The following TMCC1 variants were observed in gnomAD, a reference collection of about 807,000 sequenced individuals.
TMCC1 encodes the protein transmembrane and coiled-coil domains protein 1.
TMCC1 carries 15 observed loss-of-function variants against 52.4 expected under a neutral mutation model. The ratio of observed to expected loss-of-function variants is 0.29; its 90% CI spans 0.19 to 0.44. The LOEUF (loss-of-function observed/expected upper bound fraction) is 0.44, where lower values mean the gene tolerates loss of function less well. Among genes scored for constraint, TMCC1 ranks in the 20% least tolerant of loss-of-function variants. The probability of loss-of-function intolerance (pLI) is 1.00; values close to 1 mark genes in which losing one functional copy is unlikely to be tolerated. For synonymous variants in TMCC1, 279 were observed against 301.9 expected (o/e 0.92, Z 0.79); for missense variants, 503 against 806.0 (o/e 0.62, Z 4.55).
intron 4 of TMCC1, among the ~76,000 whole-genome samples, chr3:129,675,776 G>A (rs1017943086): frequency 4.6e-5 from 7 of 152,088 alleles, no homozygotes; most frequent in African/African-American, 9.7e-5. Context: ...AGTGGCTCAC[G>A]CCTGTAATCT....
At chr3:129,722,483 T>A (rs1025413182) in intron 4 of TMCC1, among the ~76,000 whole-genome samples, 7 of 151,782 alleles carry the variant, frequency 4.6e-5, no homozygotes, top group Admixed American at 1.3e-4. Flanking sequence ...ACTGCTGGTT[T>A]AATCTACACT....
intron 2 of TMCC1, among the ~76,000 whole-genome samples, chr3:129,852,806 T>C (rs1371297096): frequency 1.3e-5 from 2 of 152,186 alleles, no homozygotes; most frequent in Admixed American, 6.5e-5. Context: ...GCCTATTTTG[T>C]TTATAATTTT....
intron 4 of TMCC1, among the ~76,000 whole-genome samples, chr3:129,767,519 C>T (rs2054229781): frequency 6.6e-6 from 1 of 152,076 alleles, no homozygotes; most frequent in African/African-American, 2.4e-5. Context: ...ACTACAGGTG[C>T]ACATCACCAC....
intron 4 of TMCC1, among the ~76,000 whole-genome samples, chr3:129,799,909 A>C (rs1416870056): frequency 1.3e-5 from 2 of 152,154 alleles, no homozygotes; most frequent in Non-Finnish European, 2.9e-5. Context: ...GCACATAAAC[A>C]CATTCACTGT....
intron 2 of TMCC1, among the ~76,000 whole-genome samples, chr3:129,859,675 CACACACACACATACACACGTAT>C (rs1407121193): frequency 2.0e-5 from 3 of 150,370 alleles, no homozygotes; most frequent in Non-Finnish European, 4.5e-5. Flanking sequence ...CACACACACA[CACACACACACATACACACGTAT>C]ATACATGAAT....
At chr3:129,730,325 TTG>T (rs1211199078) in intron 4 of TMCC1, among the ~76,000 whole-genome samples, 18 of 152,196 alleles carry the variant, frequency 1.2e-4, no homozygotes, top group African/African-American at 4.3e-4. Flanking sequence ...ATGATTTATT[TTG>T]TGTTAATTTT....
chr3:129,745,457 A>C (rs1167530897), intron 4 of TMCC1, among the ~76,000 whole-genome samples: 25 of 152,230 alleles, frequency 1.6e-4, no homozygotes, highest in Non-Finnish European at 1.5e-5. Context: ...TTTCCACAAG[A>C]ATCCTCCTCT....
intron 4 of TMCC1, among the ~76,000 whole-genome samples, chr3:129,756,776 A>G (rs1022022607): frequency 1.3e-5 from 2 of 152,226 alleles, no homozygotes; most frequent in Admixed American, 1.3e-4. Context: ...TTCCATTCAC[A>G]TGACTTCTGG....
At chr3:129,731,603 T>A (rs2050545691) in intron 4 of TMCC1, among the ~76,000 whole-genome samples, 1 of 151,940 alleles carries the variant, frequency 6.6e-6, no homozygotes. Context: ...ATAAGAACTC[T>A]TAGCAAATTA....
chr3:129,846,256 C>G (rs1485582809), intron 2 of TMCC1, among the ~76,000 whole-genome samples: 4 of 151,814 alleles, frequency 2.6e-5, no homozygotes, highest in African/African-American at 9.7e-5. Context: ...CATAGTGGCA[C>G]ATGCCTATAG....
At chr3:129,868,365 T>C (rs811978) in intron 2 of TMCC1, among the ~76,000 whole-genome samples, 150,027 of 152,366 alleles carry the variant, frequency 0.98, 73,909 homozygotes, top group East Asian at 1. Flanking sequence ...CATCTGAGAA[T>C]AAATGTCTAA....
intron 4 of TMCC1, among the ~76,000 whole-genome samples, chr3:129,681,633 T>G (rs2088990760): frequency 6.6e-6 from 1 of 151,762 alleles, no homozygotes; most frequent in Non-Finnish European, 1.5e-5. Flanking sequence ...GGAGACCAGG[T>G]GCAGTGGCTC....
chr3:129,679,295 A>G lies in TMCC1; in HGVS notation c.577-8031T>C, dbSNP rs535767945. On this transcript the variant is annotated intron_variant, in intron 4 of 6. Transcript: ENST00000393238. ...CACCTTAGCAGCGAGGACTTCTCTG[A>G]CTGCCTTATTTATTTATTTATTTAT... Among the ~76,000 whole-genome samples the G allele has an allele frequency of 1.6e-4, 25 of 152,124 alleles. No individual in the cohort carries two copies. In the South Asian group the frequency reaches 4.8e-3, roughly 29 times the overall value.
intron 4 of TMCC1, among the ~76,000 whole-genome samples, chr3:129,811,804 C>T (rs577685416): frequency 5.9e-5 from 9 of 151,616 alleles, no homozygotes; most frequent in South Asian, 2.1e-4. Flanking sequence ...CTTAGCTGGG[C>T]GTGGTGGCAT....
intron 4 of TMCC1, among the ~76,000 whole-genome samples, chr3:129,752,806 T>G (rs2052651085): frequency 6.6e-6 from 1 of 152,172 alleles, no homozygotes; most frequent in Non-Finnish European, 1.5e-5. Flanking sequence ...TGAGACTCAG[T>G]AATTTACGAA....
chr3:129,733,198 C>T lies in TMCC1; in HGVS notation c.577-61934G>A, dbSNP rs148105628. On this transcript the variant is annotated intron_variant, in intron 4 of 6. Coordinates refer to ENST00000393238, the MANE Select transcript of TMCC1 (RefSeq NM_001017395.5). ...TACCCATAACAGGCATCTTAAGCCA[C>T]GAAGTTCTGAGGTGAACTGTTACAC... Among the ~76,000 whole-genome samples, 296 of 152,266 alleles carry T rather than the reference C, an allele frequency of 1.9e-3. 1 individual carries two copies. The highest frequency in any genetic ancestry group is 3.1e-3 in the Admixed American group (47 of 15,292).
intron 2 of TMCC1, among the ~76,000 whole-genome samples, chr3:129,865,438 AC>A (rs1234416930): frequency 6.6e-6 from 1 of 152,034 alleles, no homozygotes; most frequent in Non-Finnish European, 1.5e-5. Flanking sequence ...GGCGTGAGCC[AC>A]CACTCCTGGC....
chr3:129,688,401 C>G, intron 4 of TMCC1: 3 of 985,420 alleles, frequency 3.0e-6, no homozygotes, highest in Non-Finnish European at 3.6e-6. Flanking sequence ...CAAATGAGGA[C>G]AGCTACCACT....
chr3:129,790,320 A>AT (rs2056364246), intron 4 of TMCC1, among the ~76,000 whole-genome samples: 1 of 152,222 alleles, frequency 6.6e-6, no homozygotes, highest in Non-Finnish European at 1.5e-5. Context: ...TCATGTTAGA[A>AT]TGGTCAGAAA....
Sources: allele counts gnomAD v4.1 joint callset (sites outside exome capture counted in the v4.1 genomes callset), GRCh38; gene constraint gnomAD v4.1.1; transcripts MANE v1.5; gene names NCBI Gene and HGNC (gene_info 2026-07-23, HGNC 2026-07-21).